PCDHGB3: variants seen among roughly 807,000 people sequenced by gnomAD.
The protein encoded by PCDHGB3 is protocadherin gamma subfamily B, 3, also known as protocadherin gamma-B3.
In PCDHGB3, 40 loss-of-function variants were observed where a neutral mutation model predicts 59.2. That is an observed-to-expected ratio of 0.68 (90% confidence interval 0.52 to 0.88). PCDHGB3 has a LOEUF of 0.88. Among genes scored for constraint, PCDHGB3 ranks in the 40% least tolerant of loss-of-function variants. The pLI is 0.00. For synonymous variants in PCDHGB3, 581 were observed against 503.6 expected (o/e 1.15, Z -2.06); for missense variants, 1,309 against 1,187.9 (o/e 1.10, Z -1.50).
At chr5:141,472,884 G>A (rs1426207609) in intron 1 of PCDHGB3, among the ~76,000 whole-genome samples, 2 of 151,610 alleles carry the variant, frequency 1.3e-5, no homozygotes, top group African/African-American at 4.8e-5. Flanking sequence ...TACTCGGGAG[G>A]CTGAGGCAGG....
chr5:141,485,340 C>A lies in PCDHGB3; in HGVS notation c.2416-9467C>A. 1 of 1,614,076 alleles carries A rather than the reference C, an allele frequency of 6.2e-7. No individual in the cohort carries two copies. On this transcript the variant is annotated intron_variant, in intron 1 of 3. Transcript: ENST00000576222. The surrounding 1 kb of genome is among the most constrained non-coding windows in gnomAD (Gnocchi z 5.7). ...GTCGCTCAAGATTTCCTGCTGGATA[C>A]GGACAGTCTGTCAGCTCGCAGGCTG...
chr5:141,484,068 G>C (rs1287427208), intron 1 of PCDHGB3, among the ~76,000 whole-genome samples: 1 of 152,114 alleles, frequency 6.6e-6, no homozygotes, highest in African/African-American at 2.4e-5. Flanking sequence ...TAAGTGAAAA[G>C]CTTGCTCTTT....
At chr5:141,419,029 T>C in intron 1 of PCDHGB3, 1 of 1,613,886 alleles carries the variant, frequency 6.2e-7, no homozygotes, top group Non-Finnish European at 8.5e-7. Flanking sequence ...GTAGAGGTGT[T>C]CCATTTAAGA....
intron 1 of PCDHGB3, chr5:141,479,772 G>A (rs904607838): frequency 1.3e-5 from 2 of 152,192 alleles, no homozygotes; most frequent in Non-Finnish European, 2.9e-5. Flanking sequence ...CATATCCTTA[G>A]ACAGGTAAAG....
At chr5:141,464,978 GT>G in intron 1 of PCDHGB3, among the ~76,000 whole-genome samples, 1 of 152,148 alleles carries the variant, frequency 6.6e-6, no homozygotes, top group East Asian at 1.9e-4. Context: ...CTGGCTTCAA[GT>G]GATCCTCCCA....
At position 141,419,228 on chromosome 5, in the gene PCDHGB3, T is replaced by G. The variant is rs761014077; in HGVS notation, c.2415+46419T>G. The G allele has an allele frequency of 2.5e-6, 4 of 1,613,874 alleles. No individual in the cohort carries two copies. The East Asian group carries it at 8.9e-5, about 36-fold the overall frequency. On this transcript the variant is annotated intron_variant, in intron 1 of 3. Coordinates refer to ENST00000576222, the MANE Select transcript of PCDHGB3 (RefSeq NM_018924.5). Reference sequence around the variant, plus strand: ...CGCGCCGGTTTTCGGACAGTCAGCCTACCTGGTCCACGTGCCAGAAAACAA... The same window carrying G: ...CGCGCCGGTTTTCGGACAGTCAGCCGACCTGGTCCACGTGCCAGAAAACAA...
intron 1 of PCDHGB3, among the ~76,000 whole-genome samples, chr5:141,381,364 G>T (rs1777146369): frequency 6.6e-6 from 1 of 152,216 alleles, no homozygotes; most frequent in Non-Finnish European, 1.5e-5. Context: ...GCAGAGGGTA[G>T]CCTCGGATCC....
Position 141,503,989 on chromosome 5 carries a change from C to T in PCDHGB3, c.2475-1404C>T, listed in dbSNP as rs534696225. Among the ~76,000 whole-genome samples the T allele has an allele frequency of 2.6e-5, 4 of 152,312 alleles. No individual in the cohort carries two copies. The South Asian group carries it at 8.3e-4, about 32-fold the overall frequency. On this transcript the variant is annotated intron_variant, in intron 2 of 3. Transcript: ENST00000576222. ...CATGGTGCCAAACCCTTCTTCTTAC[C>T]TTACAGTCACTTAACTGTCTCTGCT...
Position 141,490,709 on chromosome 5 carries a change from C to T in PCDHGB3, c.2416-4098C>T. ...GACACTGGGGATAATGCCCGCCTCA[C>T]CTACTCCATTGTAGGAAATCAGGTT... On this transcript the variant is annotated intron_variant, in intron 1 of 3. Transcript: ENST00000576222. This position sits in a 1 kb window ranked among gnomAD's most constrained non-coding sequence, Gnocchi z 5.4. The T allele has an allele frequency of 1.9e-6, 3 of 1,614,218 alleles. No homozygotes were observed. Among genetic ancestry groups the T allele is most frequent in the Non-Finnish European group, 2.5e-6 (3 of 1,180,038 alleles).
chr5:141,494,843 G>T lies in PCDHGB3; in HGVS notation c.2452G>T (p.Ala818Ser). The T allele has an allele frequency of 6.2e-7, 1 of 1,614,088 alleles. No individual in the cohort carries two copies. The highest frequency in any genetic ancestry group is 8.5e-7 in the Non-Finnish European group (1 of 1,180,006). ...PPNTDWRFSQ[A>S]QRPGTSGSQN... Reference sequence around the variant, plus strand: ...CAACACGGACTGGCGTTTCTCTCAGGCCCAGAGACCCGGCACCAGCGGGTA... The same window carrying T: ...CAACACGGACTGGCGTTTCTCTCAGTCCCAGAGACCCGGCACCAGCGGGTA... Residue 818 changes from alanine (A) to serine (S), a missense_variant, in exon 2 of 4, where the codon GCC becomes TCC. Transcript: ENST00000576222.
chr5:141,385,378 C>G, intron 1 of PCDHGB3: 3 of 1,519,118 alleles, frequency 2.0e-6, no homozygotes, highest in Non-Finnish European at 2.6e-6. Flanking sequence ...TGATATTTCT[C>G]TATTATTTTG....
intron 1 of PCDHGB3, chr5:141,399,270 A>G (rs1318152877): frequency 1.2e-6 from 2 of 1,613,854 alleles, no homozygotes; most frequent in African/African-American, 1.3e-5. Flanking sequence ...TTAATTGTCA[A>G]TTACAAGGCG....
At chr5:141,478,444 T>C (rs1190996745) in intron 1 of PCDHGB3, 1 of 1,613,478 alleles carries the variant, frequency 6.2e-7, no homozygotes, top group Non-Finnish European at 8.5e-7. Flanking sequence ...TGAAGAAACC[T>C]GGTGCAGCCA....
At chr5:141,504,340 G>C (rs1240423982) in intron 2 of PCDHGB3, among the ~76,000 whole-genome samples, 1 of 152,062 alleles carries the variant, frequency 6.6e-6, no homozygotes, top group Non-Finnish European at 1.5e-5. Flanking sequence ...CAAGTGCTAG[G>C]CTTTGTGCTA....
At chr5:141,436,300 G>A (rs966232889) in intron 1 of PCDHGB3, among the ~76,000 whole-genome samples, 1 of 152,180 alleles carries the variant, frequency 6.6e-6, no homozygotes, top group African/African-American at 2.4e-5. Flanking sequence ...TTGAGAGTTA[G>A]AGCATGAATA....
At position 141,487,905 on chromosome 5, in the gene PCDHGB3, G is replaced by A. The variant is rs1305989274; in HGVS notation, c.2416-6902G>A. The A allele has an allele frequency of 2.9e-6, 2 of 686,270 alleles. No individual in the cohort carries two copies. The highest frequency in any genetic ancestry group is 3.6e-5 in the African/African-American group (2 of 55,348). The allele number at this position is 686,270 out of a possible 1,614,324, so 42.5% of individuals were successfully genotyped here. ...GTGGAAGCATGATGATGGAATGTGG[G>A]AGCACAGGAGGCTACAGTGCACAGG... On this transcript the variant is annotated intron_variant, in intron 1 of 3. Coordinates refer to ENST00000576222, the MANE Select transcript of PCDHGB3 (RefSeq NM_018924.5). This position sits in a 1 kb window ranked among gnomAD's most constrained non-coding sequence, Gnocchi z 5.0.
intron 1 of PCDHGB3, chr5:141,389,736 G>A: frequency 6.2e-7 from 1 of 1,612,710 alleles, no homozygotes; most frequent in Non-Finnish European, 8.5e-7. Flanking sequence ...CTTCAGCCTG[G>A]GGCTGCGCAC....
At chr5:141,418,603 G>C in intron 1 of PCDHGB3, 1 of 1,614,020 alleles carries the variant, frequency 6.2e-7, no homozygotes, top group Non-Finnish European at 8.5e-7. Context: ...ACGTGTACAG[G>C]GTTAGCCTTC....
intron 1 of PCDHGB3, chr5:141,389,542 G>A (rs765744557): frequency 5.0e-6 from 8 of 1,613,080 alleles, no homozygotes; most frequent in African/African-American, 2.7e-5. Flanking sequence ...GTGGACGACC[G>A]CAACGACAAT....
Sources: allele counts gnomAD v4.1 joint callset (sites outside exome capture counted in the v4.1 genomes callset), GRCh38; gene constraint gnomAD v4.1.1; non-coding constraint Gnocchi (gnomAD v3.1); transcripts MANE v1.5; gene names NCBI Gene and HGNC (gene_info 2026-07-23, HGNC 2026-07-21).